Variants in DCBLD1 observed in about 807,000 individuals in gnomAD.
DCBLD1 encodes the protein discoidin, CUB and LCCL domain-containing protein 1.
A neutral mutation model predicts 71.5 loss-of-function variants in DCBLD1; 57 were observed. The ratio of observed to expected loss-of-function variants is 0.80; its 90% CI spans 0.64 to 0.99. The LOEUF (loss-of-function observed/expected upper bound fraction) is 0.99, where lower values mean the gene tolerates loss of function less well. DCBLD1 is among the 50% of genes least tolerant of loss of function. DCBLD1 has a pLI of 0.00. For missense variants in DCBLD1, 891 were observed against 923.5 expected, an observed-to-expected ratio of 0.96 and a Z score of 0.46; for synonymous variants, 380 against 363.8, an observed-to-expected ratio of 1.04 and a Z score of -0.51.
Position 117,548,505 on chromosome 6 carries a change from G to C in DCBLD1, c.*66G>C. The C allele has an allele frequency of 6.5e-7, 1 of 1,540,848 alleles. No homozygotes were observed. Among genetic ancestry groups the C allele is most frequent in the Non-Finnish European group, 8.7e-7 (1 of 1,145,096 alleles). On this transcript the variant is annotated 3_prime_UTR_variant, in exon 15 of 15. Coordinates refer to ENST00000338728, the MANE Select transcript of DCBLD1 (RefSeq NM_001366458.2). ...GCTGTCACAAGGCACTGGAAGAAGG[G>C]AGCCTGCTGGTCCAGAGTGTGCGTG... is the stretch of plus-strand genomic sequence containing the variant.
At chr6:117,517,470 C>T (rs1156324349) in intron 2 of DCBLD1, among the ~76,000 whole-genome samples, 1 of 152,190 alleles carries the variant, frequency 6.6e-6, no homozygotes, top group South Asian at 2.1e-4. Context: ...ATTCTGGGGT[C>T]TGGTGGCCCC....
chr6:117,494,456 G>A (rs141438991), intron 1 of DCBLD1, among the ~76,000 whole-genome samples: 96 of 152,320 alleles, frequency 6.3e-4, no homozygotes, highest in Non-Finnish European at 1.0e-3. Flanking sequence ...AGCAGTGGCA[G>A]CTTGGATATT....
At chr6:117,530,331 C>T (rs1778673883) in intron 5 of DCBLD1, among the ~76,000 whole-genome samples, 2 of 152,176 alleles carry the variant, frequency 1.3e-5, no homozygotes, top group South Asian at 4.1e-4. Flanking sequence ...TGAAAGTGTT[C>T]CACCTCAGAT....
chr6:117,492,200 G>T (rs1302243108), intron 1 of DCBLD1, among the ~76,000 whole-genome samples: 1 of 152,208 alleles, frequency 6.6e-6, no homozygotes, highest in East Asian at 1.9e-4. Flanking sequence ...AATCACTGTT[G>T]TTGCTTGTCC....
In DCBLD1 at chr6:117,509,247, C is replaced by A. The variant is rs550807830; in HGVS notation, c.325+5268C>A. Among the ~76,000 whole-genome samples the A allele has an allele frequency of 9.9e-5, 15 of 152,230 alleles. No homozygotes were observed. In the South Asian group the frequency reaches 3.1e-3, roughly 32 times the overall value. ...AGGAATTTGAGACTAGGTTGGACAA[C>A]ATGGCAACCCCCCATCTCTACAAAA... On this transcript the variant is annotated intron_variant, in intron 2 of 14. Transcript: ENST00000338728.
rs746371750 is a variant in DCBLD1, at chr6:117,532,259, G to C, written c.586-1G>C. On this transcript the variant is annotated splice_acceptor_variant, in intron 5 of 14. Transcript: ENST00000338728. LOFTEE classifies it high-confidence loss of function. ...TGCATAATGATGTTGCTGTGTTTCA[G>C]ACCTCTTTATTGTGCAAAGCTGCCA... 19 of 1,594,700 alleles carry C rather than the reference G, an allele frequency of 1.2e-5. No individual in the cohort carries two copies. The highest frequency in any genetic ancestry group is 1.4e-5 in the Non-Finnish European group (17 of 1,174,706).
intron 1 of DCBLD1, among the ~76,000 whole-genome samples, chr6:117,488,518 G>A (rs894831685): frequency 3.3e-5 from 5 of 152,100 alleles, no homozygotes; most frequent in African/African-American, 1.2e-4. Context: ...GGTGGCACAT[G>A]CCTGTAATCC....
chr6:117,486,550 G>T (rs1438876778), intron 1 of DCBLD1, among the ~76,000 whole-genome samples: 1 of 152,104 alleles, frequency 6.6e-6, no homozygotes, highest in African/African-American at 2.4e-5. Context: ...TAGCTGTTTG[G>T]TTTTTTTGCT....
chr6:117,495,742 G>C (rs1484583704), intron 1 of DCBLD1, among the ~76,000 whole-genome samples: 1 of 152,222 alleles, frequency 6.6e-6, no homozygotes, highest in Non-Finnish European at 1.5e-5. Flanking sequence ...CTCAAGACTG[G>C]AGAGTGACCA....
At chr6:117,529,403 G>A (rs575610550) in intron 5 of DCBLD1, among the ~76,000 whole-genome samples, 1 of 151,894 alleles carries the variant, frequency 6.6e-6, no homozygotes. Flanking sequence ...TTGTAGAGAC[G>A]TTCTGCTCTA....
intron 14 of DCBLD1, among the ~76,000 whole-genome samples, chr6:117,568,905 ACT>A (rs1394658486): frequency 2.6e-5 from 4 of 152,214 alleles, no homozygotes; most frequent in Non-Finnish European, 4.4e-5. Context: ...GGCATACCAC[ACT>A]GATAATCCAA....
intron 14 of DCBLD1, chr6:117,563,355 G>T (rs1229837853): frequency 6.2e-7 from 1 of 1,613,362 alleles, no homozygotes; most frequent in Non-Finnish European, 8.5e-7. Context: ...CCATTTTCAT[G>T]TGTGTCAGTT....
rs1158735117 is a variant in DCBLD1 at position 117,548,381 on chromosome 6, C to T, written c.2090C>T (p.Ser697Phe). The T allele has an allele frequency of 6.4e-7, 1 of 1,550,726 alleles. No homozygotes were observed. The change falls in exon 15 of 15, where the codon TCT (serine) becomes TTT (phenylalanine). Residue 697 changes from serine to phenylalanine, a missense_variant. Coordinates refer to ENST00000338728, the MANE Select transcript of DCBLD1 (RefSeq NM_001366458.2). ...PTHPGTSDSY[S>F]APRDCLTPLN... is the part of the protein sequence containing the mutation. Reference sequence around the variant, plus strand: ...CATCCCGGGACGAGTGACAGCTATTCTGCCCCCAGAGACTGCCTCACACCC... The same window carrying T: ...CATCCCGGGACGAGTGACAGCTATTTTGCCCCCAGAGACTGCCTCACACCC...
At chr6:117,538,876 C>T in intron 8 of DCBLD1, 41 bp downstream of exon 8, 2 of 1,572,938 alleles carry the variant, frequency 1.3e-6, no homozygotes, top group Non-Finnish European at 1.7e-6. Flanking sequence ...GGAGTAGTTT[C>T]ATGACTGTAA....
downstream of DCBLD1, among the ~76,000 whole-genome samples, chr6:117,552,406 A>AT (rs1158722980): frequency 6.6e-6 from 1 of 151,994 alleles, no homozygotes; most frequent in Admixed American, 6.5e-5. Flanking sequence ...AGTCCTTTTT[A>AT]TTTTTCAAGA....
In DCBLD1 at chr6:117,548,545, T is replaced by C; in HGVS notation, c.*106T>C. The C allele has an allele frequency of 6.7e-7, 1 of 1,496,426 alleles. No homozygotes were observed. The highest frequency in any genetic ancestry group is 1.4e-5 in the African/African-American group (1 of 71,840). The allele number at this position is 1,496,426 out of a possible 1,614,324, so 92.7% of individuals were successfully genotyped here. ...GAGTGTGCGTGTGTATCGGTGTGTGTGTACACTTGCATGTGTGTGTGTGAT... is the reference window on the plus strand; with the variant it reads ...GAGTGTGCGTGTGTATCGGTGTGTGCGTACACTTGCATGTGTGTGTGTGAT... On this transcript the variant is annotated 3_prime_UTR_variant, in exon 15 of 15. Transcript: ENST00000338728.
intron 2 of DCBLD1, among the ~76,000 whole-genome samples, chr6:117,507,321 A>G (rs1283722788): frequency 6.6e-6 from 1 of 152,216 alleles, no homozygotes; most frequent in Non-Finnish European, 1.5e-5. Context: ...AACAACTTTC[A>G]CAGTAATCCA....
In DCBLD1 at chr6:117,533,413, A is replaced by T. The variant is rs79202543; in HGVS notation, c.719+1020A>T. Among the ~76,000 whole-genome samples the T allele has an allele frequency of 4.0e-3, 613 of 152,300 alleles. 3 individuals are homozygous for T. The highest frequency in any genetic ancestry group is 6.1e-3 in the Non-Finnish European group (412 of 68,024). ...TTTTGCTGTTCCATTTTCACAATGG[A>T]TGATGGGCCATCTTATCTTGGATAG... On this transcript the variant is annotated intron_variant, in intron 6 of 14. Transcript: ENST00000338728.
chr6:117,559,185 CCTCT>C (rs1779537392), intron 14 of DCBLD1, among the ~76,000 whole-genome samples: 2 of 152,162 alleles, frequency 1.3e-5, no homozygotes, highest in South Asian at 2.1e-4. Context: ...GTTAATCTAG[CCTCT>C]CTAAGAAGCA....
Sources: gnomAD v4.1 joint callset for allele counts (sites outside exome capture counted in the v4.1 genomes callset) on GRCh38, gnomAD v4.1.1 for gene constraint, MANE v1.5 for transcripts, NCBI Gene and HGNC (gene_info 2026-07-23, HGNC 2026-07-21) for gene names.